Variants in SLTM observed in about 807,000 individuals in gnomAD.
The protein encoded by SLTM is SAFB like transcription modulator.
Under a neutral mutation model 134.6 loss-of-function variants are expected in SLTM, and 43 were observed. The ratio of observed to expected loss-of-function variants is 0.32; its 90% confidence interval spans 0.25 to 0.41. The LOEUF is 0.41. SLTM is among the 10% of genes least tolerant of loss of function. The pLI, the probability that SLTM is intolerant of heterozygous loss-of-function variation, is 1.00. For missense variants in SLTM, 1,055 were observed against 1,288.8 expected (o/e 0.82, Z 2.78); for synonymous variants, 424 against 432.3 (o/e 0.98, Z 0.24).
At chr15:58,885,016 C>A (rs2034065407) in intron 19 of SLTM, among the ~76,000 whole-genome samples, 1 of 152,176 alleles carries the variant, frequency 6.6e-6, no homozygotes, top group Non-Finnish European at 1.5e-5. Context: ...CTTATATTGA[C>A]TGTAAGAAGG....
At chr15:58,903,979 A>G (rs1311748999) in intron 5 of SLTM, among the ~76,000 whole-genome samples, 1 of 152,076 alleles carries the variant, frequency 6.6e-6, no homozygotes, top group African/African-American at 2.4e-5. Context: ...TTTTTTAAGT[A>G]TTTTCTCTCT....
intron 5 of SLTM, among the ~76,000 whole-genome samples, chr15:58,902,284 C>A (rs183212003): frequency 1.1e-4 from 16 of 152,114 alleles, no homozygotes; most frequent in Admixed American, 2.0e-4. Flanking sequence ...GATGCTCAGG[C>A]GGTCTCGAAC....
chr15:58,926,902 G>A (rs1344284910), intron 2 of SLTM, among the ~76,000 whole-genome samples: 4 of 152,026 alleles, frequency 2.6e-5, no homozygotes, highest in African/African-American at 7.3e-5. Context: ...GTGAGCCACC[G>A]CGCCTGGCCA....
chr15:58,880,552 G>T (rs1297881513), intron 20 of SLTM, among the ~76,000 whole-genome samples: 3 of 151,952 alleles, frequency 2.0e-5, no homozygotes, highest in African/African-American at 7.3e-5. Context: ...TTCTTTGTTT[G>T]TTCTTTTAAA....
intron 3 of SLTM, among the ~76,000 whole-genome samples, chr15:58,916,081 G>A (rs1242155359): frequency 6.6e-6 from 1 of 151,926 alleles, no homozygotes; most frequent in African/African-American, 2.4e-5. Context: ...TTTCTGGCCA[G>A]CCAGTTTTGA....
chr15:58,883,703 A>G lies in SLTM; in HGVS notation c.2919T>C (p.Ser973=). 6.2e-7 allele frequency: 1 copy of G among 1,613,938 alleles called. No homozygotes were observed. Among genetic ancestry groups the G allele is most frequent in the East Asian group, 2.2e-5 (1 of 44,858 alleles). ...TCGTATCATGATAGCTAGGCCCTTG[A>G]GAGGGTGGACCATGCCACTCTTTCC... ...GPRKEWHGPP[S]QGPSYHDTRR... The change falls in exon 20 of 21, where the codon TCT becomes TCC. Residue 973 remains serine (S), a synonymous_variant. Coordinates refer to ENST00000380516, the MANE Select transcript of SLTM (RefSeq NM_024755.4).
chr15:58,904,930 C>T (rs1207579813), intron 5 of SLTM, among the ~76,000 whole-genome samples: 1 of 152,084 alleles, frequency 6.6e-6, no homozygotes, highest in African/African-American at 2.4e-5. Context: ...AAGATGGTCT[C>T]TAACTCCCAA....
chr15:58,899,593 C>A lies in SLTM; in HGVS notation c.934G>T (p.Val312Leu), dbSNP rs150999875. The A allele has an allele frequency of 2.5e-6, 4 of 1,614,084 alleles. No homozygotes were observed. The highest frequency in any genetic ancestry group is 3.4e-6 in the Non-Finnish European group (4 of 1,180,024). Residue 312 changes from valine (V) to leucine (L), a missense_variant, in exon 7 of 21, where the codon GTG becomes TTG. By Grantham distance (32) the Val-to-Leu change is conservative (BLOSUM62 1). Transcript: ENST00000380516. This position sits in a 1 kb window ranked among gnomAD's most constrained non-coding sequence, Gnocchi z 5.0. ...TCCTTCTCGACAGGGTCACCCTTCA[C>A]GCAGTCTTCCTTCTTACCATCTTTA... The part of the protein sequence containing the change: ...NHKDGKKEDC[V>L]KGDPVEKEAR...
chr15:58,912,991 A>T (rs1270338909), intron 4 of SLTM, among the ~76,000 whole-genome samples: 1 of 152,226 alleles, frequency 6.6e-6, no homozygotes. Flanking sequence ...TTAAAATTAA[A>T]CTTTCATAAG....
rs73430523 is a variant in SLTM at position 58,898,717 on chromosome 15, G to A, written c.1108+86C>T. The A allele has an allele frequency of 4.9e-3, 4,835 of 992,830 alleles. 146 individuals carry two copies. The African/African-American group carries it at 0.071, about 15-fold the overall frequency. The allele number at this position is 992,830 out of a possible 1,614,324, so 61.5% of individuals were successfully genotyped here. ...TCAATAAAATTTTTAAGGACTAAATGTCAAAGAAAACACCGCGCAACTACT... is the reference window on the plus strand; with the variant it reads ...TCAATAAAATTTTTAAGGACTAAATATCAAAGAAAACACCGCGCAACTACT... On this transcript the variant is annotated intron_variant, in intron 8 of 20. Transcript: ENST00000380516.
At chr15:58,893,771 A>C in intron 12 of SLTM, 50 bp downstream of exon 12, 1 of 1,538,692 alleles carries the variant, frequency 6.5e-7, no homozygotes, top group Non-Finnish European at 8.7e-7. Context: ...CACTGTAAAA[A>C]TTAAGTAGTA....
Position 58,893,929 on chromosome 15 carries a change from C to T in SLTM, c.1540G>A (p.Glu514Lys). ...TCTATTTTCTTAGTATCCTTGCTTTCTTTTTTTTCAGATTTCTCAGACGAT... is the reference window on the plus strand; with the variant it reads ...TCTATTTTCTTAGTATCCTTGCTTTTTTTTTTTTCAGATTTCTCAGACGAT... ...KRSSEKSEKK[E>K]SKDTKKIEGK... The change falls in exon 12 of 21, where the codon GAA becomes AAA. Residue 514 changes from glutamate to lysine, a missense_variant. Glu to Lys is a moderately conservative substitution (Grantham distance 56). This residue lies in a region of SLTM where 776 missense variants were observed against 962.2 expected (regional missense o/e 0.81). Transcript: ENST00000380516. The T allele has an allele frequency of 6.2e-7, 1 of 1,612,100 alleles. No individual in the cohort carries two copies.
chr15:58,920,285 C>T (rs897421252), intron 2 of SLTM, among the ~76,000 whole-genome samples: 2 of 151,874 alleles, frequency 1.3e-5, no homozygotes, highest in African/African-American at 4.8e-5. Context: ...CGCCCCACTG[C>T]ACTCATGCCT....
At chr15:58,931,154 TA>T (rs2037851500) in intron 2 of SLTM, among the ~76,000 whole-genome samples, 1 of 152,174 alleles carries the variant, frequency 6.6e-6, no homozygotes. Context: ...CAAGCTTCTT[TA>T]AATACAGAAA....
chr15:58,908,049 TTTC>T (rs1234985409), intron 5 of SLTM, among the ~76,000 whole-genome samples: 1 of 89,074 alleles, frequency 1.1e-5, no homozygotes, highest in Non-Finnish European at 2.3e-5. Flanking sequence ...ATATACATAA[TTTC>T]TTTTTCTTTC....
At chr15:58,932,468 T>G in intron 1 of SLTM, 25 bp from the exon 2 acceptor site, 1 of 1,481,454 alleles carries the variant, frequency 6.8e-7, no homozygotes, top group Non-Finnish European at 9.4e-7. Flanking sequence ...GAAGTTAATA[T>G]GCTACACAAT....
intron 2 of SLTM, among the ~76,000 whole-genome samples, chr15:58,927,692 G>A (rs1159602275): frequency 1.3e-5 from 2 of 152,134 alleles, no homozygotes; most frequent in Admixed American, 6.5e-5. Context: ...CAGAGACAGA[G>A]GTAAATGAAA....
intron 3 of SLTM, among the ~76,000 whole-genome samples, chr15:58,914,400 G>A (rs373263006): frequency 2.6e-5 from 4 of 152,202 alleles, no homozygotes; most frequent in African/African-American, 9.6e-5. Flanking sequence ...AAAGGTTTCT[G>A]GGTTAAAAGG....
chr15:58,913,508 G>A lies in SLTM; in HGVS notation c.504C>T (p.Ile168=), dbSNP rs1447216461. The A allele has an allele frequency of 1.0e-5, 16 of 1,603,194 alleles. No individual in the cohort carries two copies. Among genetic ancestry groups the A allele is most frequent in the South Asian group, 3.4e-5 (3 of 88,668 alleles). ...AAAACTGGCTAAAGACCTGACTTTCGATGTCCTCTTTTTCTATATCTTCTA... is the reference window on the plus strand; with the variant it reads ...AAAACTGGCTAAAGACCTGACTTTCAATGTCCTCTTTTTCTATATCTTCTA... ...EGIEDIEKED[I]ESQEIEAQEG... Residue 168 remains isoleucine (I), a synonymous_variant, in exon 4 of 21, where the codon ATC becomes ATT. Coordinates refer to ENST00000380516, the MANE Select transcript of SLTM (RefSeq NM_024755.4).
Sources: gnomAD v4.1 joint callset for allele counts (sites outside exome capture counted in the v4.1 genomes callset) on GRCh38, gnomAD v4.1.1 for gene constraint, gnomAD v4.1.1 regional missense constraint, Gnocchi (gnomAD v3.1) non-coding constraint, MANE v1.5 for transcripts, NCBI Gene and HGNC (gene_info 2026-07-23, HGNC 2026-07-21) for gene names.